TULP3: variants seen among roughly 807,000 people sequenced by gnomAD.
TULP3 encodes the protein tubby-related protein 3.
TULP3 carries 38 observed loss-of-function variants against 50.7 expected under a neutral mutation model. That is an observed-to-expected ratio of 0.75 (90% CI 0.58 to 0.98). The LOEUF is 0.98. Among genes scored for constraint, TULP3 ranks in the 50% least tolerant of loss-of-function variants. The probability of loss-of-function intolerance (pLI) is 0.00; values close to 1 mark genes in which losing one functional copy is unlikely to be tolerated. For missense variants in TULP3, 550 were observed against 568.0 expected (o/e 0.97, Z 0.32); for synonymous variants, 183 against 196.6 (o/e 0.93, Z 0.58).
chr12:2,924,297 G>A (rs1257436363), intron 4 of TULP3, among the ~76,000 whole-genome samples: 1 of 152,162 alleles, frequency 6.6e-6, no homozygotes, highest in African/African-American at 2.4e-5. Flanking sequence ...TAGGAAGGGG[G>A]ATGTAGAGAG....
chr12:2,928,693 A>G (rs1244419260), intron 4 of TULP3, among the ~76,000 whole-genome samples: 3 of 152,098 alleles, frequency 2.0e-5, no homozygotes, highest in Non-Finnish European at 2.9e-5. Flanking sequence ...CTGTAATCCC[A>G]GCACTTTGTG....
chr12:2,892,363 T>C (rs960816228), intron 1 of TULP3, among the ~76,000 whole-genome samples: 5 of 151,912 alleles, frequency 3.3e-5, no homozygotes, highest in African/African-American at 1.2e-4. Flanking sequence ...ATTCCGAAAA[T>C]ATTTGTTCAG....
At chr12:2,935,726 A>T (rs1311871523) in intron 8 of TULP3, among the ~76,000 whole-genome samples, 2 of 151,954 alleles carry the variant, frequency 1.3e-5, no homozygotes, top group Admixed American at 1.3e-4. Flanking sequence ...TAATCCCAGC[A>T]CTTTGGGAGG....
chr12:2,891,527 G>C (rs1475697552), intron 1 of TULP3, among the ~76,000 whole-genome samples: 1 of 152,192 alleles, frequency 6.6e-6, no homozygotes, highest in African/African-American at 2.4e-5. Flanking sequence ...GGGATGGTCT[G>C]ACTGATTTGC....
In TULP3 at chr12:2,922,330, G is replaced by A. The variant is rs376218431; in HGVS notation, c.322G>A (p.Val108Met). ...VHAPSVSSSV[V>M]EEDAENTVDT... ...TGCTCCATCAGTAAGCTCCTCTGTT[G>A]TGGAAGAAGATGCTGAAAACACCGT... The change falls in exon 4 of 11, where the codon GTG becomes ATG. Residue 108 changes from valine to methionine, a missense_variant. Coordinates refer to ENST00000448120, the MANE Select transcript of TULP3 (RefSeq NM_003324.5). 2 of 1,614,068 alleles carry A rather than the reference G, an allele frequency of 1.2e-6. No individual in the cohort carries two copies. The highest frequency in any genetic ancestry group is 2.7e-5 in the African/African-American group (2 of 74,936).
In TULP3 at chr12:2,939,222, C is replaced by A; in HGVS notation, c.1196-89C>A. The A allele has an allele frequency of 1.4e-6, 2 of 1,448,580 alleles. No homozygotes were observed. Among genetic ancestry groups the A allele is most frequent in the Non-Finnish European group, 1.9e-6 (2 of 1,055,824 alleles). The allele number at this position is 1,448,580 out of a possible 1,614,324, so 89.7% of individuals were successfully genotyped here. On this transcript the variant is annotated intron_variant, in intron 10 of 10. Transcript: ENST00000448120. This position sits in a 1 kb window ranked among gnomAD's most constrained non-coding sequence, Gnocchi z 4.0. Reference sequence around the variant, plus strand: ...CTCCAGCCAGGGCGACAGAGCAAAACCCCATCTAAGAAAAGGAAGAAAAAG... The same window carrying A: ...CTCCAGCCAGGGCGACAGAGCAAAAACCCATCTAAGAAAAGGAAGAAAAAG...
chr12:2,894,426 C>T (rs1320138168), intron 1 of TULP3, among the ~76,000 whole-genome samples: 1 of 151,890 alleles, frequency 6.6e-6, no homozygotes, highest in African/African-American at 2.4e-5. Context: ...ATCTTAGCTA[C>T]TCAGGAGCTG....
At chr12:2,900,962 C>G (rs2098178850) in intron 1 of TULP3, among the ~76,000 whole-genome samples, 1 of 150,866 alleles carries the variant, frequency 6.6e-6, no homozygotes, top group African/African-American at 2.4e-5. Flanking sequence ...ATCCTCTTGC[C>G]TCTTAAAGTG....
chr12:2,920,950 AG>A (rs1565503709), intron 3 of TULP3, 28 bp downstream of exon 3: 1 of 1,610,368 alleles, frequency 6.2e-7, no homozygotes, highest in Admixed American at 1.7e-5. Flanking sequence ...ATCACTTCCT[AG>A]TGGGGTACAA....
Position 2,940,221 on chromosome 12 carries a change from C to T in TULP3, c.*777C>T, listed in dbSNP as rs549497327. 48 of 1,341,176 alleles carry T rather than the reference C, an allele frequency of 3.6e-5. No individual in the cohort carries two copies. Among genetic ancestry groups the T allele is most frequent in the South Asian group, 3.4e-4 (28 of 81,470 alleles). The allele number at this position is 1,341,176 out of a possible 1,614,324, so 83.1% of individuals were successfully genotyped here. Reference sequence around the variant, plus strand: ...AGTGCCTCTCACAGCTATATGACTACGGATCCATTAGTGAGGAGCGACACA... The same window carrying T: ...AGTGCCTCTCACAGCTATATGACTATGGATCCATTAGTGAGGAGCGACACA... On this transcript the variant is annotated 3_prime_UTR_variant, in exon 11 of 11. Transcript: ENST00000448120.
intron 2 of TULP3, among the ~76,000 whole-genome samples, chr12:2,915,938 A>C (rs1053606547): frequency 6.6e-6 from 1 of 152,206 alleles, no homozygotes; most frequent in African/African-American, 2.4e-5. Flanking sequence ...GTCATAGTGT[A>C]ACCTTAGCCC....
At chr12:2,917,653 G>A (rs1054982110) in intron 2 of TULP3, among the ~76,000 whole-genome samples, 17 of 151,392 alleles carry the variant, frequency 1.1e-4, no homozygotes, top group African/African-American at 2.7e-4. Context: ...CAAGGCGGGC[G>A]GATCATGAGG....
intron 1 of TULP3, among the ~76,000 whole-genome samples, chr12:2,903,830 AGTGCAGTCAGTGGCACGATC>A (rs2098180664): frequency 6.6e-6 from 1 of 151,690 alleles, no homozygotes; most frequent in African/African-American, 2.4e-5. Context: ...CCCAGGCTGG[AGTGCAGTCAGTGGCACGATC>A]TCGGCTCACT....
At chr12:2,916,691 A>C (rs2098188872) in intron 2 of TULP3, among the ~76,000 whole-genome samples, 1 of 152,186 alleles carries the variant, frequency 6.6e-6, no homozygotes, top group Admixed American at 6.6e-5. Context: ...ATGGAATAGG[A>C]ATTGACATTG....
At position 2,893,923 on chromosome 12, in the gene TULP3, T is replaced by C. The variant is rs142679612; in HGVS notation, c.41+2935T>C. 3.0e-4 allele frequency among the ~76,000 whole-genome samples: 46 copies of C among 152,020 alleles called. No homozygotes were observed. The East Asian group carries it at 8.5e-3, about 28-fold the overall frequency. On this transcript the variant is annotated intron_variant, in intron 1 of 10. Coordinates refer to ENST00000448120, the MANE Select transcript of TULP3 (RefSeq NM_003324.5). ...CCTCCCAAAGTGCTGGGATTACAGG[T>C]GTGAGCGACCAGGCTTGGCCTATTT...
chr12:2,921,284 C>A (rs765604505), intron 3 of TULP3, among the ~76,000 whole-genome samples: 1 of 152,058 alleles, frequency 6.6e-6, no homozygotes, highest in East Asian at 1.9e-4. Context: ...GGTTTACAGG[C>A]GCCTGCCACC....
intron 1 of TULP3, among the ~76,000 whole-genome samples, chr12:2,899,919 CAAAAAA>C (rs796727543): frequency 2.1e-5 from 1 of 46,718 alleles, no homozygotes; most frequent in African/African-American, 1.1e-4. Flanking sequence ...AAAAAAAAAA[CAAAAAA>C]AACTTGGAGA....
intron 4 of TULP3, among the ~76,000 whole-genome samples, chr12:2,924,953 G>A (rs532509168): frequency 4.6e-5 from 7 of 152,240 alleles, no homozygotes; most frequent in East Asian, 1.9e-4. Flanking sequence ...CGACACGGGC[G>A]GATCACAAGG....
intron 1 of TULP3, among the ~76,000 whole-genome samples, chr12:2,902,890 C>G (rs541710961): frequency 6.9e-6 from 1 of 144,874 alleles, no homozygotes; most frequent in Admixed American, 7.1e-5. Context: ...GAGACAGAGT[C>G]TCGCGCTGTT....
Sources: gnomAD v4.1 joint callset for allele counts (sites outside exome capture counted in the v4.1 genomes callset) on GRCh38, gnomAD v4.1.1 for gene constraint, Gnocchi (gnomAD v3.1) non-coding constraint, MANE v1.5 for transcripts, NCBI Gene and HGNC (gene_info 2026-07-23, HGNC 2026-07-21) for gene names.